The following DCDC1 variants were observed in gnomAD, a reference collection of about 807,000 sequenced individuals.
The protein encoded by DCDC1 is doublecortin domain containing 1.
A neutral mutation model predicts 178.3 loss-of-function variants in DCDC1; 200 were observed. The observed-to-expected ratio is 1.12, with a 90% confidence interval of 1.00 to 1.26. The LOEUF (loss-of-function observed/expected upper bound fraction) is 1.26. DCDC1 is among the 50% of genes most tolerant of loss of function. The probability of loss-of-function intolerance (pLI) is 0.00; values close to 1 mark genes in which losing one functional copy is unlikely to be tolerated. For synonymous variants in DCDC1, 690 were observed against 604.8 expected, an observed-to-expected ratio of 1.14 and a Z score of -2.07; for missense variants, 1,983 against 1,749.2, an observed-to-expected ratio of 1.13 and a Z score of -2.38.
intron 20 of DCDC1, among the ~76,000 whole-genome samples, chr11:30,983,721 A>G (rs1056330054): frequency 6.6e-6 from 1 of 152,166 alleles, no homozygotes; most frequent in African/African-American, 2.4e-5. Context: ...GGAAAGCTAT[A>G]TTTTTTCACA....
intron 36 of DCDC1, among the ~76,000 whole-genome samples, chr11:30,886,579 T>C (rs1446662038): frequency 6.6e-6 from 1 of 152,204 alleles, no homozygotes; most frequent in African/African-American, 2.4e-5. Context: ...GAAAGAGGTC[T>C]CCCTCTCTCT....
At chr11:31,240,401 C>T (rs183232043) in intron 9 of DCDC1, among the ~76,000 whole-genome samples, 36 of 151,970 alleles carry the variant, frequency 2.4e-4, no homozygotes, top group South Asian at 2.3e-3. Context: ...ACACATTTTG[C>T]GAAGTTTTCT....
chr11:31,123,458 T>TA (rs1961104451), intron 11 of DCDC1, among the ~76,000 whole-genome samples: 2 of 152,006 alleles, frequency 1.3e-5, no homozygotes, highest in Non-Finnish European at 2.9e-5. Context: ...CCTGAAAACT[T>TA]AATCAGTGCC....
chr11:31,007,662 CT>C (rs71955537), intron 20 of DCDC1, among the ~76,000 whole-genome samples: 78 of 150,772 alleles, frequency 5.2e-4, no homozygotes, highest in Non-Finnish European at 7.0e-4. Flanking sequence ...AGAAAATAGG[CT>C]TTTTTTTTCT....
chr11:31,095,638 A>T (rs966694924), intron 15 of DCDC1, among the ~76,000 whole-genome samples: 1 of 152,124 alleles, frequency 6.6e-6, no homozygotes, highest in African/African-American at 2.4e-5. Flanking sequence ...AGTTGTGGGG[A>T]TGGATAGGGG....
In DCDC1 at chr11:30,894,209, G is replaced by A. The variant is rs1369758729; in HGVS notation, c.4902+39C>T. The A allele has an allele frequency of 2.5e-6, 4 of 1,587,816 alleles. No individual in the cohort carries two copies. In the East Asian group the frequency reaches 6.7e-5, roughly 27 times the overall value. On this transcript the variant is annotated intron_variant, in intron 35 of 38. Transcript: ENST00000684477. ...TTGTACTTTTAAATACTCATAAAAA[G>A]GGCAGAGTCTTTAATGTCCAGAATC... is the stretch of plus-strand genomic sequence containing the variant.
chr11:30,910,396 C>A lies in DCDC1; in HGVS notation c.3747+931G>T, dbSNP rs572351. 2.8e-3 allele frequency among the ~76,000 whole-genome samples: 431 copies of A among 152,234 alleles called. 1 individual carries two copies. Among genetic ancestry groups the A allele is most frequent in the African/African-American group, 0.01 (423 of 41,548 alleles). ...ATGTAATGTTATATGTACTCTATCT[C>A]CTAGAATAATTTTTTAGTCCATATT... On this transcript the variant is annotated intron_variant, in intron 28 of 38. Coordinates refer to ENST00000684477, the MANE Select transcript of DCDC1 (RefSeq NM_001387274.1).
chr11:30,985,596 T>C (rs1404628643), intron 20 of DCDC1, among the ~76,000 whole-genome samples: 2 of 152,212 alleles, frequency 1.3e-5, no homozygotes, highest in African/African-American at 2.4e-5. Flanking sequence ...AGACTATTTT[T>C]ATCACCTCAC....
intron 36 of DCDC1, among the ~76,000 whole-genome samples, chr11:30,888,124 AAG>A (rs1348158120): frequency 1.4e-4 from 19 of 137,056 alleles, no homozygotes; most frequent in South Asian, 2.2e-4. Flanking sequence ...GAAAGAAAGA[AAG>A]AAAGAAAGAA....
chr11:30,915,685 T>C lies in DCDC1; in HGVS notation c.3479A>G (p.His1160Arg). The change falls in exon 27 of 39, where the codon CAC becomes CGC. Residue 1160 changes from histidine (H) to arginine (R), a missense_variant. By Grantham distance (29) the His-to-Arg change is conservative. Coordinates refer to ENST00000684477, the MANE Select transcript of DCDC1 (RefSeq NM_001387274.1). Reference sequence around the variant, plus strand: ...TTCGAACTGCTGATGACAATGCTTGTGCAATTTACTATGCTTTGGTGAACA... The same window carrying C: ...TTCGAACTGCTGATGACAATGCTTGCGCAATTTACTATGCTTTGGTGAACA... ...HSCSPKHSKL[H>R]KHCHQQFEYR... 6.2e-7 allele frequency: 1 copy of C among 1,613,792 alleles called. No homozygotes were observed. The highest frequency in any genetic ancestry group is 8.5e-7 in the Non-Finnish European group (1 of 1,179,796).
intron 1 of DCDC1, among the ~76,000 whole-genome samples, chr11:31,344,369 C>T (rs1276732711): frequency 2.0e-5 from 3 of 152,172 alleles, no homozygotes; most frequent in Non-Finnish European, 4.4e-5. Context: ...TCACTATGTG[C>T]TCCCCTCTGA....
At chr11:30,866,269 A>G (rs1940966727) in intron 38 of DCDC1, among the ~76,000 whole-genome samples, 1 of 152,168 alleles carries the variant, frequency 6.6e-6, no homozygotes. Flanking sequence ...CTTAGAAAAA[A>G]TACAAATTTA....
At chr11:31,083,262 C>T (rs937233006) in intron 17 of DCDC1, among the ~76,000 whole-genome samples, 3 of 152,134 alleles carry the variant, frequency 2.0e-5, no homozygotes, top group Non-Finnish European at 4.4e-5. Flanking sequence ...GACAGGGTTC[C>T]ATGTAAGTCT....
Position 30,916,861 on chromosome 11 carries a change from A to C in DCDC1, c.3452+9T>G, listed in dbSNP as rs367904374. 1.3e-5 allele frequency: 20 copies of C among 1,591,720 alleles called. No individual in the cohort carries two copies. ...AAATCTTTAAGAGGAATCCTTTGCAACTTTTTACCTGTGTTTCTTCTGTGG... is the reference window on the plus strand; with the variant it reads ...AAATCTTTAAGAGGAATCCTTTGCACCTTTTTACCTGTGTTTCTTCTGTGG... On this transcript the variant is annotated intron_variant, in intron 26 of 38. Coordinates refer to ENST00000684477, the MANE Select transcript of DCDC1 (RefSeq NM_001387274.1).
chr11:30,871,604 T>C (rs970935424), intron 38 of DCDC1, among the ~76,000 whole-genome samples: 2 of 152,150 alleles, frequency 1.3e-5, no homozygotes, highest in African/African-American at 4.8e-5. Context: ...AGCACTGATA[T>C]TATTCCAGCT....
At chr11:30,968,962 A>G (rs1021312336) in intron 20 of DCDC1, among the ~76,000 whole-genome samples, 2 of 151,930 alleles carry the variant, frequency 1.3e-5, no homozygotes, top group African/African-American at 2.4e-5. Flanking sequence ...AATTTGCAAG[A>G]TATCACAAAA....
intron 3 of DCDC1, among the ~76,000 whole-genome samples, chr11:31,315,646 C>CTCT (rs781607206): frequency 6.2e-5 from 7 of 112,428 alleles, no homozygotes; most frequent in Non-Finnish European, 8.7e-5. Context: ...ATCTGCATAC[C>CTCT]TTTTTTTTTT....
At position 30,916,983 on chromosome 11, in the gene DCDC1, T is replaced by C. The variant is rs1334544822; in HGVS notation, c.3339A>G (p.Thr1113=). 7 of 1,609,740 alleles carry C rather than the reference T, an allele frequency of 4.3e-6. No homozygotes were observed. The highest frequency in any genetic ancestry group is 5.9e-6 in the Non-Finnish European group (7 of 1,178,130). The part of the protein sequence containing the change: ...RAHLRMKACH[T]LPRYAWQETS... Reference sequence around the variant, plus strand: ...TTTCCTGCCAGGCATACCTGGGAAGTGTGTGACAAGCCTTCATTCGAAGAT... The same window carrying C: ...TTTCCTGCCAGGCATACCTGGGAAGCGTGTGACAAGCCTTCATTCGAAGAT... Residue 1113 remains threonine (T), a synonymous_variant, in exon 26 of 39, where the codon ACA becomes ACG. Coordinates refer to ENST00000684477, the MANE Select transcript of DCDC1 (RefSeq NM_001387274.1).
chr11:31,288,127 A>T (rs1346999365), intron 7 of DCDC1, among the ~76,000 whole-genome samples: 4 of 151,970 alleles, frequency 2.6e-5, no homozygotes, highest in Admixed American at 2.6e-4. Flanking sequence ...CTGAAAATGA[A>T]TCCAAGATGT....
Sources: gnomAD v4.1 joint callset for allele counts (sites outside exome capture counted in the v4.1 genomes callset) on GRCh38, gnomAD v4.1.1 for gene constraint, MANE v1.5 for transcripts, NCBI Gene and HGNC (gene_info 2026-07-23, HGNC 2026-07-21) for gene names.